Variants in CLN8 observed in about 807,000 individuals in gnomAD.
The protein encoded by CLN8 is protein CLN8.
A neutral mutation model predicts 15.7 loss-of-function variants in CLN8; 14 were observed. The ratio of observed to expected loss-of-function variants is 0.89; its 90% CI spans 0.59 to 1.39. The LOEUF (loss-of-function observed/expected upper bound fraction) is 1.39. Among genes scored for constraint, CLN8 ranks in the 40% most tolerant of loss-of-function variants. The pLI, the probability that CLN8 is intolerant of heterozygous loss-of-function variation, is 0.00. For synonymous variants in CLN8, 188 were observed against 151.0 expected (o/e 1.25, Z -1.80); for missense variants, 415 against 364.0 (o/e 1.14, Z -1.14).
intron 1 of CLN8, among the ~76,000 whole-genome samples, chr8:1,757,956 A>C (rs1328038291): frequency 6.6e-6 from 1 of 152,036 alleles, no homozygotes; most frequent in African/African-American, 2.4e-5. Flanking sequence ...GACTTTAGGG[A>C]CCAATCTCAT....
intron 1 of CLN8, among the ~76,000 whole-genome samples, chr8:1,757,411 T>C (rs1585117083): frequency 6.6e-6 from 1 of 152,186 alleles, no homozygotes; most frequent in African/African-American, 2.4e-5. Context: ...TGCCCTAGAA[T>C]CAACATGATC....
intron 2 of CLN8, chr8:1,772,857 T>G (rs1014825802): frequency 2.0e-5 from 8 of 398,184 alleles, no homozygotes; most frequent in Admixed American, 4.4e-5. Flanking sequence ...ATATGAAATT[T>G]GAGATCCTGC....
intron 2 of CLN8, chr8:1,772,938 C>T (rs1004684568): frequency 1.5e-5 from 6 of 398,378 alleles, no homozygotes; most frequent in African/African-American, 6.2e-5. Flanking sequence ...CTGGTAGCCT[C>T]GAGAGGAAAA....
intron 1 of CLN8, among the ~76,000 whole-genome samples, chr8:1,769,246 C>G (rs1020963616): frequency 7.2e-5 from 11 of 152,204 alleles, no homozygotes; most frequent in African/African-American, 2.7e-4. Flanking sequence ...CATCAGGTCC[C>G]AGGACTCACA....
At chr8:1,757,010 T>C (rs1422835709) in intron 1 of CLN8, among the ~76,000 whole-genome samples, 1 of 152,160 alleles carries the variant, frequency 6.6e-6, no homozygotes, top group African/African-American at 2.4e-5. Flanking sequence ...AAAGCTGCAC[T>C]AAAGTCCTTT....
chr8:1,757,620 T>C (rs921967052), intron 1 of CLN8, among the ~76,000 whole-genome samples: 9 of 152,234 alleles, frequency 5.9e-5, no homozygotes, highest in Admixed American at 3.3e-4. Flanking sequence ...TTTGTATTTT[T>C]AGTAGAGACA....
upstream of CLN8, among the ~76,000 whole-genome samples, chr8:1,755,403 G>T (rs4595147): frequency 0.68 from 103,967 of 151,936 alleles, 35,692 homozygotes; most frequent in South Asian, 0.76. Flanking sequence ...GCATGGAGCT[G>T]TAGTCTCCAA....
rs934881193 is a variant in CLN8, at chr8:1,780,028, C to T, written c.544-222C>T. On this transcript the variant is annotated intron_variant, in intron 2 of 2. Coordinates refer to ENST00000331222, the MANE Select transcript of CLN8 (RefSeq NM_018941.4). ...AAGAGGAGCAGGAAAACAGCATGAG[C>T]GGGCAAGGGTCAGCCCTGCTGGCCC... The T allele has an allele frequency of 1.7e-5, 17 of 985,336 alleles. 1 individual carries two copies. The African/African-American group carries it at 2.3e-4, about 13-fold the overall frequency. 61.0% of individuals were successfully genotyped at this position (985,336 alleles called of 1,614,324 possible). A position where few individuals can be genotyped will look rare whatever the true frequency, so the allele number is the denominator to read the frequency against.
At chr8:1,774,837 A>G (rs1353404755) in intron 2 of CLN8, among the ~76,000 whole-genome samples, 2 of 152,182 alleles carry the variant, frequency 1.3e-5, no homozygotes, top group Non-Finnish European at 2.9e-5. Flanking sequence ...AAATACAAAC[A>G]TTAACTGGTC....
At chr8:1,769,749 A>C (rs1025686623) in intron 1 of CLN8, among the ~76,000 whole-genome samples, 3 of 152,208 alleles carry the variant, frequency 2.0e-5, no homozygotes, top group African/African-American at 7.2e-5. Context: ...GGCTTAGGTA[A>C]AGTGGACCCT....
chr8:1,775,292 A>G (rs1006005865), intron 2 of CLN8, among the ~76,000 whole-genome samples: 2 of 152,198 alleles, frequency 1.3e-5, no homozygotes, highest in African/African-American at 2.4e-5. Context: ...GCCATTTTAT[A>G]TAAGGGACTT....
chr8:1,776,887 G>C lies in CLN8; in HGVS notation c.544-3363G>C, dbSNP rs146972209. Among the ~76,000 whole-genome samples, 508 of 152,288 alleles carry C rather than the reference G, an allele frequency of 3.3e-3. 6 individuals are homozygous for C. Among genetic ancestry groups the C allele is most frequent in the African/African-American group, 0.012 (485 of 41,560 alleles). ...TGGAAAGGGCTTGTGAGCTGAGTTT[G>C]TCCACGCAGCAGAAGGGTGGGCAGC... On this transcript the variant is annotated intron_variant, in intron 2 of 2. Coordinates refer to ENST00000331222, the MANE Select transcript of CLN8 (RefSeq NM_018941.4).
At chr8:1,779,241 TTTTTA>T (rs947184693) in intron 2 of CLN8, among the ~76,000 whole-genome samples, 2 of 152,126 alleles carry the variant, frequency 1.3e-5, no homozygotes, top group African/African-American at 4.8e-5. Flanking sequence ...GTGTTAGAAT[TTTTTA>T]TTTTATTTTA....
chr8:1,754,306 C>A (rs1246507016), upstream of CLN8, among the ~76,000 whole-genome samples: 1 of 152,204 alleles, frequency 6.6e-6, no homozygotes, highest in African/African-American at 2.4e-5. Flanking sequence ...TTACCAACAA[C>A]TGTCTTGGTA....
intron 1 of CLN8, among the ~76,000 whole-genome samples, 197 bp from the exon 2 acceptor site, chr8:1,770,735 C>T (rs1187795571): frequency 6.6e-6 from 1 of 152,136 alleles, no homozygotes; most frequent in East Asian, 1.9e-4. Context: ...GTGGCTGGAC[C>T]GCTCTAGCTT....
In CLN8 at chr8:1,783,384, A is replaced by C. The variant is rs1163111819; in HGVS notation, c.*2817A>C. The C allele has an allele frequency of 6.6e-6, 1 of 152,246 alleles. No homozygotes were observed. Among genetic ancestry groups the C allele is most frequent in the Admixed American group, 6.5e-5 (1 of 15,288 alleles). The allele number at this position is 152,246 out of a possible 1,614,324, so 9.4% of individuals were successfully genotyped here. A position where few individuals can be genotyped will look rare whatever the true frequency, so the allele number is the denominator to read the frequency against. On this transcript the variant is annotated 3_prime_UTR_variant, in exon 3 of 3. Coordinates refer to ENST00000331222, the MANE Select transcript of CLN8 (RefSeq NM_018941.4). The stretch of plus-strand genomic sequence containing the variant: ...AGGACGATTGGGCAATATCGGCCTT[A>C]ACTCCACCTGATGGCAGGTGACCCG...
At chr8:1,770,894 C>G in intron 1 of CLN8, 38 bp from the exon 2 acceptor site, 1 of 682,852 alleles carries the variant, frequency 1.5e-6, no homozygotes, top group Admixed American at 2.2e-5. Context: ...GTCCTTGTTT[C>G]TATCGAGTCA....
upstream of CLN8, among the ~76,000 whole-genome samples, chr8:1,760,945 G>T (rs1301200126): frequency 6.6e-6 from 1 of 151,984 alleles, no homozygotes; most frequent in Non-Finnish European, 1.5e-5. Context: ...CTAGTACTTG[G>T]TGGATGTAAA....
chr8:1,778,992 TCATATAGCA>T (rs1801617829), intron 2 of CLN8, among the ~76,000 whole-genome samples: 1 of 152,124 alleles, frequency 6.6e-6, no homozygotes, highest in African/African-American at 2.4e-5. Context: ...TTGAGCAAAA[TCATATAGCA>T]CAAAGCCTGT....
Sources: allele counts gnomAD v4.1 joint callset (sites outside exome capture counted in the v4.1 genomes callset), GRCh38; gene constraint gnomAD v4.1.1; transcripts MANE v1.5; gene names NCBI Gene and HGNC (gene_info 2026-07-23, HGNC 2026-07-21).